BRI3BP: variants seen among roughly 807,000 people sequenced by gnomAD.
The protein encoded by BRI3BP is BRI3-binding protein.
In BRI3BP, 7 loss-of-function variants were observed where a neutral mutation model predicts 15.8. The observed-to-expected ratio is 0.44, with a 90% CI of 0.25 to 0.83. The LOEUF is 0.83. Ranked by LOEUF, BRI3BP falls within the 40% of genes least tolerant of loss-of-function variation. BRI3BP has a pLI of 0.20. For synonymous variants in BRI3BP, 192 were observed against 163.5 expected (o/e 1.17, Z -1.33); for missense variants, 320 against 339.3 (o/e 0.94, Z 0.45).
intron 2 of BRI3BP, among the ~76,000 whole-genome samples, chr12:125,018,012 G>A (rs1329918565): frequency 2.0e-5 from 3 of 152,044 alleles, no homozygotes; most frequent in African/African-American, 4.8e-5. Context: ...GTGGGATGGC[G>A]CCCAGCCCAT....
At chr12:125,033,795 T>C (rs1287752421), downstream of BRI3BP, among the ~76,000 whole-genome samples, 2 of 151,860 alleles carry the variant, frequency 1.3e-5, no homozygotes, top group African/African-American at 4.8e-5. Context: ...CAGGCTAGTG[T>C]GCAGTGGTGA....
intron 1 of BRI3BP, among the ~76,000 whole-genome samples, chr12:125,007,459 GA>G (rs143086072): frequency 0.027 from 4,127 of 152,238 alleles, 182 homozygotes; most frequent in African/African-American, 0.093. Flanking sequence ...TAAGGCAAGA[GA>G]ATTGCTTGGA....
Position 125,030,941 on chromosome 12 carries a change from G to C in BRI3BP, c.*5511G>C, listed in dbSNP as rs192847728. 3.2e-4 allele frequency: 49 copies of C among 151,380 alleles called. No individual in the cohort carries two copies. Among genetic ancestry groups the C allele is most frequent in the African/African-American group, 7.7e-4 (32 of 41,384 alleles). 9.4% of individuals were successfully genotyped at this position (151,380 alleles called of 1,614,324 possible). A position where few individuals can be genotyped will look rare whatever the true frequency, so the allele number is the denominator to read the frequency against. ...CACTTAATATAAATCCATTTGATTT[G>C]AATAGTGTGTGTGTGTACATGGTGT... On this transcript the variant is annotated 3_prime_UTR_variant, in exon 3 of 3. Coordinates refer to ENST00000341446, the MANE Select transcript of BRI3BP (RefSeq NM_080626.6).
At chr12:124,996,995 G>A (rs187278422) in intron 1 of BRI3BP, among the ~76,000 whole-genome samples, 67 of 150,418 alleles carry the variant, frequency 4.5e-4, no homozygotes, top group African/African-American at 1.6e-3. Flanking sequence ...TCCTGACCTC[G>A]TAATCCGCCC....
chr12:124,993,703 C>G lies in BRI3BP; in HGVS notation c.-88C>G. On this transcript the variant is annotated 5_prime_UTR_variant, in exon 1 of 3. Transcript: ENST00000341446. ...AAAGGCGCGGCGCGCGGCCCCCGAG[C>G]GCGCCAACCTTGCCCTAGCCGGAGC... 8 of 748,510 alleles carry G rather than the reference C, an allele frequency of 1.1e-5. No individual in the cohort carries two copies. The highest frequency in any genetic ancestry group is 1.3e-5 in the Non-Finnish European group (8 of 615,378). 46.4% of individuals were successfully genotyped at this position (748,510 alleles called of 1,614,324 possible). A position where few individuals can be genotyped will look rare whatever the true frequency, so the allele number is the denominator to read the frequency against.
At chr12:125,011,725 T>TAAA (rs1173511111) in intron 1 of BRI3BP, among the ~76,000 whole-genome samples, 137 of 138,482 alleles carry the variant, frequency 9.9e-4, no homozygotes, top group African/African-American at 2.5e-3. Flanking sequence ...ACTAATTTTT[T>TAAA]AAAAAAAAAA....
intron 1 of BRI3BP, among the ~76,000 whole-genome samples, chr12:124,997,075 A>G (rs963432694): frequency 9.2e-5 from 14 of 151,676 alleles, no homozygotes; most frequent in Non-Finnish European, 1.9e-4. Flanking sequence ...ATTCTAATCT[A>G]GGACTTGTCT....
intron 2 of BRI3BP, among the ~76,000 whole-genome samples, chr12:125,013,483 TG>T (rs1245138136): frequency 7.9e-5 from 12 of 152,244 alleles, no homozygotes; most frequent in Admixed American, 2.0e-4. Context: ...TTGCCATTTC[TG>T]GAACCATGCA....
At chr12:125,033,163 CA>C (rs1044400671), downstream of BRI3BP, among the ~76,000 whole-genome samples, 4 of 152,074 alleles carry the variant, frequency 2.6e-5, no homozygotes, top group East Asian at 7.7e-4. Flanking sequence ...AACAAACAAA[CA>C]AAAAAAACAA....
chr12:125,038,693 A>C, the BRI3BP span, among the ~76,000 whole-genome samples: 1 of 152,210 alleles, frequency 6.6e-6, no homozygotes, highest in East Asian at 1.9e-4. Context: ...TGAACCTGGG[A>C]GGCGGAGGTT....
At position 125,025,379 on chromosome 12, in the gene BRI3BP, C is replaced by T; in HGVS notation, c.705C>T (p.Asn235=). 2.5e-6 allele frequency: 4 copies of T among 1,611,764 alleles called. No homozygotes were observed. Among genetic ancestry groups the T allele is most frequent in the East Asian group, 2.2e-5 (1 of 44,846 alleles). The stretch of plus-strand genomic sequence containing the variant: ...TGGAGAAGCAGGTCAGACTGCTCAA[C>T]ATCCGTCTCAACCGGGTGCTCGAGA... ...EHLEKQVRLL[N]IRLNRVLESL... is the part of the protein sequence containing the mutation. The change falls in exon 3 of 3, where the codon AAC becomes AAT. Residue 235 remains asparagine, a synonymous_variant. Coordinates refer to ENST00000341446, the MANE Select transcript of BRI3BP (RefSeq NM_080626.6).
Position 125,019,656 on chromosome 12 carries a change from TTGCC to T in BRI3BP, c.317-5333_317-5330del, listed in dbSNP as rs1437772431. On this transcript the variant is annotated intron_variant, in intron 2 of 2. Transcript: ENST00000341446. ...CACCCTTTTTTTTTTTTTTTTTTTTTTGCCTTTTTTGCTGTGAGTACTTGAAAAT... is the reference window on the plus strand; with the variant it reads ...CACCCTTTTTTTTTTTTTTTTTTTTTTTTTTTGCTGTGAGTACTTGAAAAT... Among the ~76,000 whole-genome samples, 133 of 27,510 alleles carry T rather than the reference TTGCC, an allele frequency of 4.8e-3. 14 individuals are homozygous for T. The highest frequency in any genetic ancestry group is 0.011 in the South Asian group (4 of 370). 18.0% of individuals were successfully genotyped at this position (27,510 alleles called of 152,430 possible).
chr12:125,017,320 CT>C (rs1955255825), intron 2 of BRI3BP, among the ~76,000 whole-genome samples: 1 of 77,976 alleles, frequency 1.3e-5, no homozygotes, highest in African/African-American at 3.8e-5. Flanking sequence ...CCGTGCCCCC[CT>C]AATGTTTTTT....
At chr12:125,005,829 G>A (rs1010331524) in intron 1 of BRI3BP, among the ~76,000 whole-genome samples, 3 of 151,452 alleles carry the variant, frequency 2.0e-5, no homozygotes, top group Admixed American at 6.6e-5. Flanking sequence ...CATTTTCACC[G>A]GATTTCTGCT....
chr12:125,030,487 A>G lies in BRI3BP; in HGVS notation c.*5057A>G, dbSNP rs1278513574. The G allele has an allele frequency of 6.6e-6, 1 of 152,234 alleles. No individual in the cohort carries two copies. Among genetic ancestry groups the G allele is most frequent in the African/African-American group, 2.4e-5 (1 of 41,464 alleles). The allele number at this position is 152,234 out of a possible 1,614,324, so 9.4% of individuals were successfully genotyped here. A position where few individuals can be genotyped will look rare whatever the true frequency, so the allele number is the denominator to read the frequency against. ...ATAGTATCTGGTGTAAACAAATTTT[A>G]TTCAGCATATTAAATTATTCTGTGT... On this transcript the variant is annotated 3_prime_UTR_variant, in exon 3 of 3. Coordinates refer to ENST00000341446, the MANE Select transcript of BRI3BP (RefSeq NM_080626.6).
At chr12:125,008,949 G>T (rs992175256) in intron 1 of BRI3BP, among the ~76,000 whole-genome samples, 1 of 151,476 alleles carries the variant, frequency 6.6e-6, no homozygotes, top group African/African-American at 2.4e-5. Context: ...CTCGCATGCA[G>T]TTCACAATAG....
rs1170448740 is a variant in BRI3BP, at chr12:124,993,827, G to T, written c.37G>T (p.Ala13Ser). 2.6e-6 allele frequency: 3 copies of T among 1,135,970 alleles called. No homozygotes were observed. Among genetic ancestry groups the T allele is most frequent in the South Asian group, 3.5e-5 (1 of 28,172 alleles). The allele number at this position is 1,135,970 out of a possible 1,614,324, so 70.4% of individuals were successfully genotyped here. A position where few individuals can be genotyped will look rare whatever the true frequency, so the allele number is the denominator to read the frequency against. The part of the protein sequence containing the change: ...ARASGGPLAR[A>S]GLLLLLLLLL... ...CGCCTCAGGCGGGCCCCTGGCCCGGGCCGGGCTCCTGCTGCTGCTGCTGCT... is the reference window on the plus strand; with the variant it reads ...CGCCTCAGGCGGGCCCCTGGCCCGGTCCGGGCTCCTGCTGCTGCTGCTGCT... Residue 13 changes from alanine to serine, a missense_variant, in exon 1 of 3, where the codon GCC becomes TCC. Ala to Ser is a moderately conservative substitution (Grantham distance 99, BLOSUM62 1). Coordinates refer to ENST00000341446, the MANE Select transcript of BRI3BP (RefSeq NM_080626.6).
chr12:125,017,022 A>ATT (rs1175112507), intron 2 of BRI3BP, among the ~76,000 whole-genome samples: 1 of 146,124 alleles, frequency 6.8e-6, no homozygotes, highest in South Asian at 2.2e-4. Context: ...TATTATTATT[A>ATT]TTTTTTTTTT....
downstream of BRI3BP, among the ~76,000 whole-genome samples, chr12:125,034,639 G>C (rs921767948): frequency 6.6e-6 from 1 of 151,952 alleles, no homozygotes; most frequent in Non-Finnish European, 1.5e-5. Flanking sequence ...GCCCAGGCTG[G>C]AGTGCAGTGG....
Sources: allele counts gnomAD v4.1 joint callset (sites outside exome capture counted in the v4.1 genomes callset), GRCh38; gene constraint gnomAD v4.1.1; transcripts MANE v1.5; gene names NCBI Gene and HGNC (gene_info 2026-07-23, HGNC 2026-07-21).